ARHGEF26: variants seen among roughly 807,000 people sequenced by gnomAD.
ARHGEF26 encodes Rho guanine nucleotide exchange factor (GEF) 26.
A neutral mutation model predicts 89.4 loss-of-function variants in ARHGEF26; 59 were observed. That is an observed-to-expected ratio of 0.66 (90% confidence interval 0.54 to 0.82). ARHGEF26 has a LOEUF of 0.82. Ranked by LOEUF, ARHGEF26 falls within the 40% of genes least tolerant of loss-of-function variation. ARHGEF26 has a pLI of 0.00. For missense variants in ARHGEF26, 1,234 were observed against 1,085.6 expected (o/e 1.14, Z -1.92); for synonymous variants, 500 against 428.4 (o/e 1.17, Z -2.06).
intron 4 of ARHGEF26, among the ~76,000 whole-genome samples, chr3:154,139,466 C>T (rs1424014716): frequency 1.3e-5 from 2 of 152,190 alleles, no homozygotes; most frequent in Non-Finnish European, 2.9e-5. Context: ...TAATAGCAGT[C>T]TGTAGGAAGA....
At chr3:154,211,466 A>G (rs116619072) in intron 9 of ARHGEF26, among the ~76,000 whole-genome samples, 3 of 142,468 alleles carry the variant, frequency 2.1e-5, no homozygotes, top group African/African-American at 7.8e-5. Context: ...TTTCTTTCCC[A>G]CAGTGCCCAG....
At chr3:154,137,087 C>T (rs775564580) in intron 4 of ARHGEF26, among the ~76,000 whole-genome samples, 2 of 152,136 alleles carry the variant, frequency 1.3e-5, no homozygotes, top group African/African-American at 2.4e-5. Flanking sequence ...GATATTTTTC[C>T]CCTCCAAAAC....
At chr3:154,217,258 T>G (rs2108245435) in intron 9 of ARHGEF26, among the ~76,000 whole-genome samples, 1 of 150,956 alleles carries the variant, frequency 6.6e-6, no homozygotes, top group African/African-American at 2.4e-5. Flanking sequence ...CTCATTGTGG[T>G]TTTGATTTGC....
intron 6 of ARHGEF26, among the ~76,000 whole-genome samples, chr3:154,159,055 G>A (rs1711518070): frequency 6.6e-6 from 1 of 152,048 alleles, no homozygotes; most frequent in African/African-American, 2.4e-5. Flanking sequence ...AAACTCTAAG[G>A]TCTAAATAAG....
At chr3:154,236,274 T>A (rs1023502171) in intron 11 of ARHGEF26, among the ~76,000 whole-genome samples, 1 of 152,216 alleles carries the variant, frequency 6.6e-6, no homozygotes, top group African/African-American at 2.4e-5. Flanking sequence ...ACTAGGACCT[T>A]AAGTGGATTT....
At chr3:154,239,205 A>G (rs1717301065) in intron 11 of ARHGEF26, among the ~76,000 whole-genome samples, 1 of 150,696 alleles carries the variant, frequency 6.6e-6, no homozygotes, top group African/African-American at 2.4e-5. Flanking sequence ...CCTTTACAGG[A>G]GACTTCAAGA....
chr3:154,192,120 T>G (rs533133713), intron 8 of ARHGEF26, among the ~76,000 whole-genome samples: 47 of 152,176 alleles, frequency 3.1e-4, no homozygotes, highest in South Asian at 1.9e-3. Flanking sequence ...AAGAGAAAAG[T>G]GGGGTGGCTC....
chr3:154,186,673 A>C (rs1713573354), intron 6 of ARHGEF26, among the ~76,000 whole-genome samples: 2 of 151,782 alleles, frequency 1.3e-5, no homozygotes, highest in African/African-American at 4.8e-5. Context: ...GAGGCAGGAG[A>C]ATCACTTGAT....
At chr3:154,180,374 G>C (rs578053777) in intron 6 of ARHGEF26, among the ~76,000 whole-genome samples, 32 of 152,070 alleles carry the variant, frequency 2.1e-4, no homozygotes, top group African/African-American at 7.7e-4. Context: ...TGCCAAGTGT[G>C]TCTGTTCCTT....
chr3:154,237,371 G>A (rs1717179695), intron 11 of ARHGEF26, among the ~76,000 whole-genome samples: 1 of 151,998 alleles, frequency 6.6e-6, no homozygotes, highest in Non-Finnish European at 1.5e-5. Context: ...GTGAAACCCT[G>A]TCTCTACTAA....
intron 9 of ARHGEF26, among the ~76,000 whole-genome samples, chr3:154,216,502 A>AT (rs1293834056): frequency 0.084 from 4,105 of 48,600 alleles, 82 homozygotes; most frequent in Middle Eastern, 0.26. Flanking sequence ...ATTTTTTTTT[A>AT]TTTTTTATTT....
chr3:154,235,272 A>G (rs781565392), intron 11 of ARHGEF26, among the ~76,000 whole-genome samples: 1 of 152,192 alleles, frequency 6.6e-6, no homozygotes, highest in Non-Finnish European at 1.5e-5. Flanking sequence ...GCCTTCTTCT[A>G]AAGTTGTTTA....
chr3:154,137,344 CAG>C (rs1475585497), intron 4 of ARHGEF26, among the ~76,000 whole-genome samples: 2 of 152,186 alleles, frequency 1.3e-5, no homozygotes. Context: ...CGGGGCTCTT[CAG>C]AGTGTCCCCA....
intron 3 of ARHGEF26, among the ~76,000 whole-genome samples, chr3:154,128,480 C>G (rs1718470037): frequency 6.6e-6 from 1 of 152,166 alleles, no homozygotes; most frequent in Admixed American, 6.5e-5. Flanking sequence ...CTCAAGTGAT[C>G]TGCCCATGTC....
At chr3:154,152,419 A>T (rs2108098613) in intron 5 of ARHGEF26, among the ~76,000 whole-genome samples, 1 of 152,266 alleles carries the variant, frequency 6.6e-6, no homozygotes, top group African/African-American at 2.4e-5. Context: ...GGAGGAGATG[A>T]CCCCAAAGGT....
At chr3:154,124,480 C>T in intron 3 of ARHGEF26, 31 bp downstream of exon 3, 3 of 1,512,776 alleles carry the variant, frequency 2.0e-6, no homozygotes, top group Non-Finnish European at 2.6e-6. Flanking sequence ...ACTTTCATTG[C>T]TGTTTCAATG....
At chr3:154,162,895 C>T (rs114814567) in intron 6 of ARHGEF26, among the ~76,000 whole-genome samples, 2,227 of 152,196 alleles carry the variant, frequency 0.015, 32 homozygotes, top group Non-Finnish European at 0.02. Flanking sequence ...CATACAAATG[C>T]ACTATAATAA....
Position 154,257,111 on chromosome 3 carries a change from GGTAA to G in ARHGEF26, c.*1641_*1644del, listed in dbSNP as rs1559934703. The G allele has an allele frequency of 5.3e-6, 6 of 1,128,048 alleles. No homozygotes were observed. The highest frequency in any genetic ancestry group is 7.2e-6 in the Non-Finnish European group (6 of 835,098). The allele number at this position is 1,128,048 out of a possible 1,614,324, so 69.9% of individuals were successfully genotyped here. ...TAAAGCTACAGAAGCCCAGTTGAGG[GGTAA>G]GTGTGCCTGGCTCACACAGCCTGCA... is the stretch of plus-strand genomic sequence containing the variant. On this transcript the variant is annotated 3_prime_UTR_variant, in exon 15 of 15. Transcript: ENST00000465093.
chr3:154,217,313 T>G (rs1213357942), intron 9 of ARHGEF26, among the ~76,000 whole-genome samples: 3 of 151,874 alleles, frequency 2.0e-5, no homozygotes, highest in Admixed American at 1.3e-4. Context: ...TCATGTGTTT[T>G]TTGGCTGCAT....
Sources: gnomAD v4.1 joint callset for allele counts (sites outside exome capture counted in the v4.1 genomes callset) on GRCh38, gnomAD v4.1.1 for gene constraint, MANE v1.5 for transcripts, NCBI Gene and HGNC (gene_info 2026-07-23, HGNC 2026-07-21) for gene names.